The following DNM2 variants were observed in gnomAD, a reference collection of about 807,000 sequenced individuals.
DNM2 encodes the protein dynamin 2.
A neutral mutation model predicts 99.0 loss-of-function variants in DNM2; 15 were observed. The observed-to-expected ratio is 0.15, with a 90% CI of 0.10 to 0.23. DNM2 has a LOEUF of 0.23. Ranked by LOEUF, DNM2 falls within the 10% of genes least tolerant of loss-of-function variation. The probability of loss-of-function intolerance (pLI) is 1.00; values close to 1 mark genes in which losing one functional copy is unlikely to be tolerated. For synonymous variants in DNM2, 525 were observed against 481.2 expected (o/e 1.09, Z -1.19); for missense variants, 742 against 1,189.4 (o/e 0.62, Z 5.53).
At chr19:10,797,252 G>C (rs1022783283) in intron 9 of DNM2, 128 bp from the exon 10 acceptor site, 1 of 1,377,134 alleles carries the variant, frequency 7.3e-7, no homozygotes. Context: ...GCGGGCGCAG[G>C]CTCCCCCATG....
chr19:10,801,101 T>C (rs1171435229), intron 11 of DNM2, among the ~76,000 whole-genome samples: 1 of 151,594 alleles, frequency 6.6e-6, no homozygotes, highest in Non-Finnish European at 1.5e-5. Context: ...AGCTCAGGAG[T>C]TCGAGACCAG....
rs1409432443 is a variant in DNM2, at chr19:10,818,999, G to A, written c.1672-981G>A. Reference sequence around the variant, plus strand: ...TCACTGGGTGAGTGTGGGACTCCAGGGTGCCACCCCCAGCTCCGTGACTCG... The same window carrying A: ...TCACTGGGTGAGTGTGGGACTCCAGAGTGCCACCCCCAGCTCCGTGACTCG... On this transcript the variant is annotated intron_variant, in intron 15 of 20. Transcript: ENST00000389253. The surrounding 1 kb of genome is among the most constrained non-coding windows in gnomAD (Gnocchi z 4.3). Among the ~76,000 whole-genome samples the A allele has an allele frequency of 1.3e-5, 2 of 152,190 alleles. No homozygotes were observed. Among genetic ancestry groups the A allele is most frequent in the East Asian group, 1.9e-4 (1 of 5,154 alleles).
intron 1 of DNM2, among the ~76,000 whole-genome samples, chr19:10,750,873 C>T (rs1324889877): frequency 1.3e-5 from 2 of 151,710 alleles, no homozygotes; most frequent in African/African-American, 4.8e-5. Flanking sequence ...TACACTCCAG[C>T]CTGGGTGACA....
At chr19:10,732,050 G>C (rs1216009397) in intron 1 of DNM2, among the ~76,000 whole-genome samples, 1 of 151,068 alleles carries the variant, frequency 6.6e-6, no homozygotes, top group Non-Finnish European at 1.5e-5. Flanking sequence ...CGCCTCCCAG[G>C]TTCAAGCGAT....
intron 1 of DNM2, among the ~76,000 whole-genome samples, chr19:10,732,834 C>T (rs932403042): frequency 1.3e-5 from 2 of 152,008 alleles, no homozygotes; most frequent in Non-Finnish European, 2.9e-5. Context: ...TGTCTTGCAC[C>T]AGGTCCCTGC....
rs1599643092 is a variant in DNM2, at chr19:10,830,873, T to C, written c.2544-105T>C. 7.3e-7 allele frequency: 1 copy of C among 1,372,322 alleles called. No individual in the cohort carries two copies. The highest frequency in any genetic ancestry group is 2.6e-5 in the East Asian group (1 of 37,926). 85.0% of individuals were successfully genotyped at this position (1,372,322 alleles called of 1,614,324 possible). On this transcript the variant is annotated intron_variant, in intron 20 of 20. Transcript: ENST00000389253. This position sits in a 1 kb window ranked among gnomAD's most constrained non-coding sequence, Gnocchi z 4.8. ...TGCGGAGGTCAGCCTGGGAACACCC[T>C]GGGGTGGTGTGTGGGTGGGGGCTGG...
At chr19:10,790,922 C>T (rs1263563206) in intron 7 of DNM2, among the ~76,000 whole-genome samples, 7 of 152,096 alleles carry the variant, frequency 4.6e-5, no homozygotes, top group Non-Finnish European at 1.5e-5. Flanking sequence ...GTATGCGCCA[C>T]CATGCCTAGC....
chr19:10,830,944 TC>T lies in DNM2; in HGVS notation c.2544-29del, dbSNP rs750903736. On this transcript the variant is annotated intron_variant, in intron 20 of 20. Coordinates refer to ENST00000389253, the MANE Select transcript of DNM2 (RefSeq NM_001005361.3). The surrounding 1 kb of genome is among the most constrained non-coding windows in gnomAD (Gnocchi z 4.8). ...TCTTGCTCCCGGCCTCACTGCCGTC[TC>T]CCCCTCCCCACCTGTCTTTATTCTC... 6.3e-7 allele frequency: 1 copy of T among 1,594,450 alleles called. No individual in the cohort carries two copies. Among genetic ancestry groups the T allele is most frequent in the South Asian group, 1.1e-5 (1 of 88,120 alleles).
At chr19:10,722,642 C>G (rs905632325) in intron 1 of DNM2, among the ~76,000 whole-genome samples, 1 of 151,960 alleles carries the variant, frequency 6.6e-6, no homozygotes, top group African/African-American at 2.4e-5. Flanking sequence ...CGCGCCTGGC[C>G]TGAGATAGGG....
intron 1 of DNM2, among the ~76,000 whole-genome samples, chr19:10,725,176 G>A (rs2069072833): frequency 1.3e-5 from 2 of 152,210 alleles, no homozygotes; most frequent in African/African-American, 4.8e-5. Context: ...GGCCGGGCAT[G>A]GTGACTCACA....
chr19:10,777,381 T>G (rs1360381551), intron 5 of DNM2, among the ~76,000 whole-genome samples, 165 bp downstream of exon 5: 2 of 152,170 alleles, frequency 1.3e-5, no homozygotes, highest in African/African-American at 4.8e-5. Flanking sequence ...TCTTCTGATT[T>G]GTATGCATTC....
In DNM2 at chr19:10,805,872, C is replaced by A. The variant is rs1249475370; in HGVS notation, c.1494-44C>A. The A allele has an allele frequency of 3.7e-6, 6 of 1,613,780 alleles. No homozygotes were observed. The African/African-American group carries it at 4.0e-5, about 11-fold the overall frequency. On this transcript the variant is annotated intron_variant, in intron 12 of 20. Transcript: ENST00000389253. ...ATTCGCCTCTTCCCCTTCTTCCCCC[C>A]CGGCATCTTGTCCACGTGAACCCTG...
rs2073249424 is a variant in DNM2, at chr19:10,829,180, A to G, written c.2203A>G (p.Ile735Val). 6.2e-7 allele frequency: 1 copy of G among 1,613,908 alleles called. No homozygotes were observed. The highest frequency in any genetic ancestry group is 1.3e-5 in the African/African-American group (1 of 74,924). Residue 735 changes from isoleucine to valine, a missense_variant, in exon 19 of 21, where the codon ATC becomes GTC. This residue lies in a region of DNM2 where 187 missense variants were observed against 218.8 expected (regional missense o/e 0.85). Coordinates refer to ENST00000389253, the MANE Select transcript of DNM2 (RefSeq NM_001005361.3). ...CCATGCCCTCAAGGAGGCGCTCAAC[A>G]TCATCGGTGACATCAGCACCAGCAC... ...MYHALKEALN[I>V]IGDISTSTVS...
In DNM2 at chr19:10,817,211, G is replaced by T. The variant is rs1017132898; in HGVS notation, c.1672-2769G>T. 8.5e-5 allele frequency among the ~76,000 whole-genome samples: 13 copies of T among 152,194 alleles called. No individual in the cohort carries two copies. The highest frequency in any genetic ancestry group is 8.5e-4 in the Admixed American group (13 of 15,282). On this transcript the variant is annotated intron_variant, in intron 15 of 20. Transcript: ENST00000389253. The surrounding 1 kb of genome is among the most constrained non-coding windows in gnomAD (Gnocchi z 4.6). ...AAATAAACAAGACATTTACAGCCAT[G>T]GGGTGGGGATGGCAGACTGATAGGG...
chr19:10,731,990 T>C lies in DNM2; in HGVS notation c.161+13587T>C, dbSNP rs531731103. Among the ~76,000 whole-genome samples, 26 of 151,168 alleles carry C rather than the reference T, an allele frequency of 1.7e-4. No homozygotes were observed. The East Asian group carries it at 5.0e-3, about 29-fold the overall frequency. Reference sequence around the variant, plus strand: ...TTTTTTTGAGACGGAGTTTCGCTGTTGTTGCCCAGGCTGGAGTGCAATGGT... The same window carrying C: ...TTTTTTTGAGACGGAGTTTCGCTGTCGTTGCCCAGGCTGGAGTGCAATGGT... On this transcript the variant is annotated intron_variant, in intron 1 of 20. Coordinates refer to ENST00000389253, the MANE Select transcript of DNM2 (RefSeq NM_001005361.3).
chr19:10,775,060 C>T lies in DNM2; in HGVS notation c.386-643C>T, dbSNP rs1047093808. ...TGCTGGGATGACAGGCATGAGTCAC[C>T]GCGCCTGGCCTCATCCATTTGTCTT... On this transcript the variant is annotated intron_variant, in intron 3 of 20. Coordinates refer to ENST00000389253, the MANE Select transcript of DNM2 (RefSeq NM_001005361.3). The surrounding 1 kb of genome is among the most constrained non-coding windows in gnomAD (Gnocchi z 4.3). Among the ~76,000 whole-genome samples, 3 of 151,808 alleles carry T rather than the reference C, an allele frequency of 2.0e-5. No homozygotes were observed. Among genetic ancestry groups the T allele is most frequent in the Admixed American group, 6.6e-5 (1 of 15,200 alleles).
In DNM2 at chr19:10,731,956, T is replaced by TA. The variant is rs1309735760; in HGVS notation, c.161+13553_161+13554insA. ...TGAAAATTGATGCACAGGCTTGATTTTTTTTTTTTTTTTTTGAGACGGAGT... is the reference window on the plus strand; with the variant it reads ...TGAAAATTGATGCACAGGCTTGATTTATTTTTTTTTTTTTTTGAGACGGAGT... On this transcript the variant is annotated intron_variant, in intron 1 of 20. Coordinates refer to ENST00000389253, the MANE Select transcript of DNM2 (RefSeq NM_001005361.3). Among the ~76,000 whole-genome samples, 19 of 150,664 alleles carry TA rather than the reference T, an allele frequency of 1.3e-4. No homozygotes were observed. In the South Asian group the frequency reaches 1.5e-3, roughly 12 times the overall value.
chr19:10,797,279 G>A, intron 9 of DNM2, 101 bp from the exon 10 acceptor site: 1 of 1,525,632 alleles, frequency 6.6e-7, no homozygotes, highest in Non-Finnish European at 8.9e-7. Context: ...CTAATCAGAT[G>A]ACTCTCGTTT....
chr19:10,725,402 C>T (rs1057195389), intron 1 of DNM2, among the ~76,000 whole-genome samples: 1 of 149,782 alleles, frequency 6.7e-6, no homozygotes, highest in African/African-American at 2.5e-5. Context: ...GCGGAGATCA[C>T]GCCATTGCAC....
Sources: allele counts gnomAD v4.1 joint callset (sites outside exome capture counted in the v4.1 genomes callset), GRCh38; gene constraint gnomAD v4.1.1; regional missense constraint gnomAD v4.1.1; non-coding constraint Gnocchi (gnomAD v3.1); transcripts MANE v1.5; gene names NCBI Gene and HGNC (gene_info 2026-07-23, HGNC 2026-07-21).